The following STAT4 variants were observed in gnomAD, a reference collection of about 807,000 sequenced individuals.
The protein encoded by STAT4 is signal transducer and activator of transcription 4.
STAT4 carries 42 observed loss-of-function variants against 110.5 expected under a neutral mutation model. The ratio of observed to expected loss-of-function variants is 0.38; its 90% CI spans 0.30 to 0.49. STAT4 has a LOEUF of 0.49. Ranked by LOEUF, STAT4 falls within the 20% of genes least tolerant of loss-of-function variation. STAT4 has a pLI of 0.95. For synonymous variants in STAT4, 284 were observed against 302.2 expected, an observed-to-expected ratio of 0.94 and a Z score of 0.63; for missense variants, 632 against 887.9, an observed-to-expected ratio of 0.71 and a Z score of 3.66.
rs1349968645 is a variant in STAT4 at position 191,066,088 on chromosome 2, G to A, written c.630+342C>T. 1.3e-5 allele frequency among the ~76,000 whole-genome samples: 2 copies of A among 152,092 alleles called. No homozygotes were observed. Among genetic ancestry groups the A allele is most frequent in the Non-Finnish European group, 2.9e-5 (2 of 68,016 alleles). The stretch of plus-strand genomic sequence containing the variant: ...ATCAAATACTATATTAATTATATAT[G>A]TGCAGTGGAACCCATCTCAGCATAT... On this transcript the variant is annotated intron_variant, in intron 7 of 23. Coordinates refer to ENST00000392320, the MANE Select transcript of STAT4 (RefSeq NM_003151.4). The surrounding 1 kb of genome is among the most constrained non-coding windows in gnomAD (Gnocchi z 4.3).
intron 14 of STAT4, among the ~76,000 whole-genome samples, chr2:191,052,384 G>A (rs1041306470): frequency 2.0e-5 from 3 of 152,074 alleles, no homozygotes; most frequent in East Asian, 1.9e-4. Context: ...AAATTAACCC[G>A]ATTCGGCAAA....
rs1696079727 is a variant in STAT4 at position 191,037,645 on chromosome 2, C to T, written c.1435-1346G>A. Among the ~76,000 whole-genome samples the T allele has an allele frequency of 6.6e-6, 1 of 152,046 alleles. No homozygotes were observed. The highest frequency in any genetic ancestry group is 2.4e-5 in the African/African-American group (1 of 41,378). On this transcript the variant is annotated intron_variant, in intron 16 of 23. Coordinates refer to ENST00000392320, the MANE Select transcript of STAT4 (RefSeq NM_003151.4). This position sits in a 1 kb window ranked among gnomAD's most constrained non-coding sequence, Gnocchi z 4.8. ...GGTGCCTGGAAAAGGCCGTTGTGAA[C>T]AAGAGCTAAATTGGGCTTAGATTAA...
intron 3 of STAT4, among the ~76,000 whole-genome samples, chr2:191,093,517 T>A (rs1013914922): frequency 6.6e-6 from 1 of 152,080 alleles, no homozygotes; most frequent in African/African-American, 2.4e-5. Flanking sequence ...GAAGGAAAAC[T>A]AACAAACAGA....
rs1696085028 is a variant in STAT4 at position 191,037,900 on chromosome 2, C to T, written c.1434+1299G>A. On this transcript the variant is annotated intron_variant, in intron 16 of 23. Coordinates refer to ENST00000392320, the MANE Select transcript of STAT4 (RefSeq NM_003151.4). The surrounding 1 kb of genome is among the most constrained non-coding windows in gnomAD (Gnocchi z 4.8). ...AGCAGGATAGAATTAAGAGGAGAAA[C>T]CAGGATTAGTTGTTTAGACTGGTTC... Among the ~76,000 whole-genome samples the T allele has an allele frequency of 6.6e-6, 1 of 152,096 alleles. No homozygotes were observed. The highest frequency in any genetic ancestry group is 2.4e-5 in the African/African-American group (1 of 41,414).
In STAT4 at chr2:191,062,737, ATGCCAT is replaced by A; in HGVS notation, c.941+19_941+24del. The A allele has an allele frequency of 1.2e-6, 2 of 1,612,556 alleles. No homozygotes were observed. Among genetic ancestry groups the A allele is most frequent in the Non-Finnish European group, 1.7e-6 (2 of 1,179,186 alleles). On this transcript the variant is annotated intron_variant, in intron 9 of 23. Transcript: ENST00000392320. The surrounding 1 kb of genome is among the most constrained non-coding windows in gnomAD (Gnocchi z 4.9). ...GTGTTCTTACTTCACAGAATGGAGGATGCCATTGATAGCACTTCACTTACTTCTTGA... is the reference window on the plus strand; with the variant it reads ...GTGTTCTTACTTCACAGAATGGAGGATGATAGCACTTCACTTACTTCTTGA...
intron 3 of STAT4, among the ~76,000 whole-genome samples, chr2:191,123,793 C>T (rs1200453832): frequency 1.3e-5 from 2 of 152,194 alleles, no homozygotes; most frequent in African/African-American, 2.4e-5. Flanking sequence ...GGGCTCGCTG[C>T]GACTGACCAG....
Position 191,090,728 on chromosome 2 carries a change from T to C in STAT4, c.274-14403A>G, listed in dbSNP as rs138001262. 2.4e-4 allele frequency among the ~76,000 whole-genome samples: 37 copies of C among 151,960 alleles called. 1 individual carries two copies. In the East Asian group the frequency reaches 6.0e-3, roughly 25 times the overall value. ...GGCACCCGCCACCATGCCCGGCTAA[T>C]TTTTTGTATTTTTAGTAGAGACAGG... On this transcript the variant is annotated intron_variant, in intron 3 of 23. Transcript: ENST00000392320. The surrounding 1 kb of genome is among the most constrained non-coding windows in gnomAD (Gnocchi z 4.2).
chr2:191,119,999 T>C lies in STAT4; in HGVS notation c.273+26614A>G, dbSNP rs1290345805. On this transcript the variant is annotated intron_variant, in intron 3 of 23. Transcript: ENST00000392320. Reference sequence around the variant, plus strand: ...GCTAAGGTCAAGTGTAGTATCCACATGGAAAAAGCCTACTTTACCCCTATC... The same window carrying C: ...GCTAAGGTCAAGTGTAGTATCCACACGGAAAAAGCCTACTTTACCCCTATC... Among the ~76,000 whole-genome samples the C allele has an allele frequency of 2.0e-5, 3 of 152,158 alleles. No homozygotes were observed. In the East Asian group the frequency reaches 5.8e-4, roughly 29 times the overall value.
intron 14 of STAT4, among the ~76,000 whole-genome samples, chr2:191,049,744 TGAGA>T (rs1414991098): frequency 6.6e-6 from 1 of 152,168 alleles, no homozygotes; most frequent in Non-Finnish European, 1.5e-5. Flanking sequence ...TCTAATCACA[TGAGA>T]GATAGCCTTT....
intron 3 of STAT4, among the ~76,000 whole-genome samples, chr2:191,130,756 T>C (rs767258336): frequency 6.6e-6 from 1 of 151,740 alleles, no homozygotes; most frequent in Non-Finnish European, 1.5e-5. Flanking sequence ...TGAGCTTATC[T>C]GTGCATTTAA....
chr2:191,081,676 T>C (rs1697485306), intron 3 of STAT4, among the ~76,000 whole-genome samples: 1 of 152,194 alleles, frequency 6.6e-6, no homozygotes. Flanking sequence ...TTTGCCCACA[T>C]AAAGTTCTTA....
chr2:191,110,339 T>A lies in STAT4; in HGVS notation c.274-34014A>T, dbSNP rs577234935. On this transcript the variant is annotated intron_variant, in intron 3 of 23. Transcript: ENST00000392320. This position sits in a 1 kb window ranked among gnomAD's most constrained non-coding sequence, Gnocchi z 4.5. ...CCCAGGGAGGCTAAAGTCTTCAAAATAAGGGACATGGGAGGAGCTAGCACT... is the reference window on the plus strand; with the variant it reads ...CCCAGGGAGGCTAAAGTCTTCAAAAAAAGGGACATGGGAGGAGCTAGCACT... 5.3e-5 allele frequency among the ~76,000 whole-genome samples: 8 copies of A among 152,288 alleles called. No individual in the cohort carries two copies. Among genetic ancestry groups the A allele is most frequent in the African/African-American group, 1.9e-4 (8 of 41,554 alleles).
At position 191,142,228 on chromosome 2, in the gene STAT4, T is replaced by C. The variant is rs12469749; in HGVS notation, c.273+4385A>G. On this transcript the variant is annotated intron_variant, in intron 3 of 23. Transcript: ENST00000392320. This position sits in a 1 kb window ranked among gnomAD's most constrained non-coding sequence, Gnocchi z 4.1. The stretch of plus-strand genomic sequence containing the variant: ...AATAAAGAAAATAGATATATATATA[T>C]ACACACACACACACATGCATACACA... Among the ~76,000 whole-genome samples, 143,919 of 149,032 alleles carry C rather than the reference T, an allele frequency of 0.97. 69,476 individuals are homozygous for C. The highest frequency in any genetic ancestry group is 1 in the East Asian group (5,105 of 5,106).
At chr2:191,120,769 T>C (rs958644650) in intron 3 of STAT4, among the ~76,000 whole-genome samples, 2 of 152,162 alleles carry the variant, frequency 1.3e-5, no homozygotes, top group African/African-American at 4.8e-5. Flanking sequence ...TATATAAAAA[T>C]TAATTCAAGA....
chr2:191,117,971 A>G lies in STAT4; in HGVS notation c.273+28642T>C, dbSNP rs984493213. 1.3e-5 allele frequency among the ~76,000 whole-genome samples: 2 copies of G among 152,198 alleles called. No individual in the cohort carries two copies. Among genetic ancestry groups the G allele is most frequent in the African/African-American group, 4.8e-5 (2 of 41,452 alleles). On this transcript the variant is annotated intron_variant, in intron 3 of 23. Transcript: ENST00000392320. This position sits in a 1 kb window ranked among gnomAD's most constrained non-coding sequence, Gnocchi z 5.2. The stretch of plus-strand genomic sequence containing the variant: ...AAGAGGAAGATAGATGGGACACAGT[A>G]TCCTCCAAAGAGAACCAAATGCAAC...
intron 4 of STAT4, among the ~76,000 whole-genome samples, chr2:191,074,729 T>C (rs562720672): frequency 1.3e-5 from 2 of 152,336 alleles, no homozygotes; most frequent in East Asian, 3.9e-4. Flanking sequence ...TTTAGAAACT[T>C]ACTATAGTTT....
chr2:191,035,736 T>C lies in STAT4; in HGVS notation c.1570+428A>G, dbSNP rs1227329660. On this transcript the variant is annotated intron_variant, in intron 17 of 23. Transcript: ENST00000392320. The surrounding 1 kb of genome is among the most constrained non-coding windows in gnomAD (Gnocchi z 4.7). ...GTGAAGAAATCAGTCATTTTCCAGT[T>C]GGTTAATGTCAATTGAGACGTTCGT... is the stretch of plus-strand genomic sequence containing the variant. Among the ~76,000 whole-genome samples the C allele has an allele frequency of 6.6e-6, 1 of 152,232 alleles. No homozygotes were observed. Among genetic ancestry groups the C allele is most frequent in the Non-Finnish European group, 1.5e-5 (1 of 68,038 alleles).
rs1030945218 is a variant in STAT4 at position 191,143,735 on chromosome 2, A to G, written c.273+2878T>C. 2.6e-5 allele frequency among the ~76,000 whole-genome samples: 4 copies of G among 152,274 alleles called. No homozygotes were observed. The highest frequency in any genetic ancestry group is 9.6e-5 in the African/African-American group (4 of 41,554). ...CAACATGGTTTGTATTTAAAATCCC[A>G]GAGGATGAAAATATTTAAACCAGAT... On this transcript the variant is annotated intron_variant, in intron 3 of 23. Coordinates refer to ENST00000392320, the MANE Select transcript of STAT4 (RefSeq NM_003151.4). This position sits in a 1 kb window ranked among gnomAD's most constrained non-coding sequence, Gnocchi z 5.6.
intron 4 of STAT4, among the ~76,000 whole-genome samples, chr2:191,073,531 CA>C (rs1001094939): frequency 5.3e-5 from 8 of 151,086 alleles, no homozygotes; most frequent in African/African-American, 1.9e-4. Context: ...TACTAAAATA[CA>C]AAAAAAAATT....
Sources: allele counts gnomAD v4.1 joint callset (sites outside exome capture counted in the v4.1 genomes callset), GRCh38; gene constraint gnomAD v4.1.1; non-coding constraint Gnocchi (gnomAD v3.1); transcripts MANE v1.5; gene names NCBI Gene and HGNC (gene_info 2026-07-23, HGNC 2026-07-21).